The following NOS1AP variants were observed in gnomAD, a reference collection of about 807,000 sequenced individuals.
The protein encoded by NOS1AP is nitric oxide synthase 1 adaptor protein, also known as carboxyl-terminal PDZ ligand of neuronal nitric oxide synthase protein.
A neutral mutation model predicts 56.2 loss-of-function variants in NOS1AP; 21 were observed. That is an observed-to-expected ratio of 0.37 (90% CI 0.26 to 0.54). The LOEUF is 0.54. Among genes scored for constraint, NOS1AP ranks in the 20% least tolerant of loss-of-function variants. The pLI is 0.84. For missense variants in NOS1AP, 522 were observed against 657.8 expected, an observed-to-expected ratio of 0.79 and a Z score of 2.26; for synonymous variants, 270 against 274.6, an observed-to-expected ratio of 0.98 and a Z score of 0.17.
chr1:162,192,806 GAT>G (rs1191353455), intron 2 of NOS1AP, among the ~76,000 whole-genome samples: 1 of 151,826 alleles, frequency 6.6e-6, no homozygotes, highest in Admixed American at 6.6e-5. Context: ...GTGTGGATCT[GAT>G]ATATGTTTTA....
rs1347971739 is a variant in NOS1AP, at chr1:162,264,031, TC to T, written c.178-23311del. On this transcript the variant is annotated intron_variant, in intron 2 of 9. Coordinates refer to ENST00000361897, the MANE Select transcript of NOS1AP (RefSeq NM_014697.3). Reference sequence around the variant, plus strand: ...AGCCAACTGGACTATTACAGTAGCCTCCGAATGGTTTCCCTACATCTACATC... The same window carrying T: ...AGCCAACTGGACTATTACAGTAGCCTCGAATGGTTTCCCTACATCTACATC... Among the ~76,000 whole-genome samples, 4 of 152,190 alleles carry T rather than the reference TC, an allele frequency of 2.6e-5. No individual in the cohort carries two copies. The East Asian group carries it at 7.7e-4, about 29-fold the overall frequency.
intron 5 of NOS1AP, among the ~76,000 whole-genome samples, chr1:162,341,373 C>A (rs545987409): frequency 1.3e-5 from 2 of 152,270 alleles, no homozygotes; most frequent in Non-Finnish European, 2.9e-5. Flanking sequence ...GGGAATGAAA[C>A]CGACGGGAAA....
chr1:162,287,510 T>C (rs1655126363), intron 3 of NOS1AP, 74 bp downstream of exon 3: 1 of 936,730 alleles, frequency 1.1e-6, no homozygotes, highest in Non-Finnish European at 1.8e-6. Context: ...CTTCTTCTTC[T>C]GGGCCCACCT....
intron 2 of NOS1AP, among the ~76,000 whole-genome samples, chr1:162,207,097 T>G (rs550428060): frequency 6.6e-6 from 1 of 152,344 alleles, no homozygotes; most frequent in South Asian, 2.1e-4. Flanking sequence ...TTAGAGGGTT[T>G]GTTAAATGTG....
chr1:162,271,524 C>T (rs909176644), intron 2 of NOS1AP, among the ~76,000 whole-genome samples: 2 of 152,124 alleles, frequency 1.3e-5, no homozygotes, highest in Non-Finnish European at 2.9e-5. Context: ...GAATTAATAT[C>T]CCAGCATTAA....
chr1:162,352,374 T>C (rs1657539505), intron 6 of NOS1AP, among the ~76,000 whole-genome samples: 1 of 151,114 alleles, frequency 6.6e-6, no homozygotes, highest in African/African-American at 2.4e-5. Flanking sequence ...GCTCCTCTTC[T>C]ACCTACCCCT....
At chr1:162,324,546 G>C (rs533194460) in intron 4 of NOS1AP, among the ~76,000 whole-genome samples, 1 of 151,098 alleles carries the variant, frequency 6.6e-6, no homozygotes, top group Non-Finnish European at 1.5e-5. Flanking sequence ...AGTAAAGCAG[G>C]GGAGGTTTTA....
chr1:162,280,120 C>T (rs539644848), intron 2 of NOS1AP, among the ~76,000 whole-genome samples: 3 of 152,198 alleles, frequency 2.0e-5, no homozygotes, highest in African/African-American at 4.8e-5. Context: ...TTGAGATCAG[C>T]CTGGGCAGCA....
At chr1:162,195,062 G>A (rs1027834688) in intron 2 of NOS1AP, among the ~76,000 whole-genome samples, 10 of 152,070 alleles carry the variant, frequency 6.6e-5, no homozygotes, top group African/African-American at 1.7e-4. Context: ...CACGGAAGCC[G>A]CTTAGCAGTT....
chr1:162,155,280 A>ATATATATG (rs1367266470), intron 2 of NOS1AP, among the ~76,000 whole-genome samples: 8 of 142,352 alleles, frequency 5.6e-5, no homozygotes, highest in South Asian at 2.2e-4. Flanking sequence ...ATACATATAC[A>ATATATATG]CATATATACA....
At chr1:162,144,566 G>A (rs1178214554) in intron 1 of NOS1AP, among the ~76,000 whole-genome samples, 1 of 47,958 alleles carries the variant, frequency 2.1e-5, no homozygotes, top group African/African-American at 8.4e-5. Flanking sequence ...CCATGTGTTG[G>A]ACTTTCTTTT....
At chr1:162,102,771 C>T (rs1319138178) in intron 1 of NOS1AP, among the ~76,000 whole-genome samples, 6 of 152,186 alleles carry the variant, frequency 3.9e-5, no homozygotes, top group Admixed American at 3.9e-4. Flanking sequence ...TCTGTAGGGT[C>T]AGGGGTGATT....
At position 162,366,821 on chromosome 1, in the gene NOS1AP, A is replaced by G. The variant is rs1338217196; in HGVS notation, c.1106-231A>G. 53 of 611,106 alleles carry G rather than the reference A, an allele frequency of 8.7e-5. No individual in the cohort carries two copies. The East Asian group carries it at 1.4e-3, about 17-fold the overall frequency. 37.9% of individuals were successfully genotyped at this position (611,106 alleles called of 1,614,324 possible). ...CTACCAGAACCATCATATGGTTCTT[A>G]TGTCCCCGCCTTTACCACGTCCCAA... On this transcript the variant is annotated intron_variant, in intron 9 of 9. Coordinates refer to ENST00000361897, the MANE Select transcript of NOS1AP (RefSeq NM_014697.3).
intron 2 of NOS1AP, among the ~76,000 whole-genome samples, chr1:162,159,947 C>G (rs916987837): frequency 6.6e-6 from 1 of 152,126 alleles, no homozygotes; most frequent in Admixed American, 6.5e-5. Context: ...CTTTGGAACC[C>G]ACTGTTGCTG....
chr1:162,314,676 A>T (rs1656174075), intron 4 of NOS1AP, among the ~76,000 whole-genome samples: 1 of 152,218 alleles, frequency 6.6e-6, no homozygotes, highest in South Asian at 2.1e-4. Flanking sequence ...CTTTTCTGGG[A>T]TACAAATACC....
chr1:162,262,213 T>C (rs1002662025), intron 2 of NOS1AP, among the ~76,000 whole-genome samples: 6 of 152,186 alleles, frequency 3.9e-5, no homozygotes, highest in Non-Finnish European at 8.8e-5. Context: ...CTGGGTGTTT[T>C]GTCCTTTAAA....
rs548998643 is a variant in NOS1AP at position 162,311,813 on chromosome 1, A to G, written c.344+11107A>G. ...TGATCTCATTGTTCAATTCCCACCT[A>G]TGAGTGAGAATATGCGGTGTTTGGT... On this transcript the variant is annotated intron_variant, in intron 4 of 9. Transcript: ENST00000361897. Among the ~76,000 whole-genome samples the G allele has an allele frequency of 3.1e-4, 45 of 143,998 alleles. 1 individual carries two copies. The East Asian group carries it at 9.1e-3, about 29-fold the overall frequency. 94.5% of individuals were successfully genotyped at this position (143,998 alleles called of 152,430 possible).
At chr1:162,255,631 G>A (rs1654006356) in intron 2 of NOS1AP, among the ~76,000 whole-genome samples, 1 of 150,040 alleles carries the variant, frequency 6.7e-6, no homozygotes, top group South Asian at 2.1e-4. Flanking sequence ...AGGCATCTCA[G>A]CCAAAATGAG....
At chr1:162,303,753 T>C (rs1655733403) in intron 4 of NOS1AP, among the ~76,000 whole-genome samples, 1 of 152,206 alleles carries the variant, frequency 6.6e-6, no homozygotes, top group Non-Finnish European at 1.5e-5. Context: ...TCTCTTGATC[T>C]TACATGCCAT....
Sources: allele counts gnomAD v4.1 joint callset (sites outside exome capture counted in the v4.1 genomes callset), GRCh38; gene constraint gnomAD v4.1.1; transcripts MANE v1.5; gene names NCBI Gene and HGNC (gene_info 2026-07-23, HGNC 2026-07-21).